The following BCAS3 variants were observed in gnomAD, a reference collection of about 807,000 sequenced individuals.
The protein encoded by BCAS3 is BCAS4/BCAS3 fusion.
Under a neutral mutation model 116.1 loss-of-function variants are expected in BCAS3, and 53 were observed. The ratio of observed to expected loss-of-function variants is 0.46; its 90% confidence interval spans 0.37 to 0.57. The LOEUF is 0.57. BCAS3 is among the 20% of genes least tolerant of loss of function. The probability of loss-of-function intolerance (pLI) is 0.00; values close to 1 mark genes in which losing one functional copy is unlikely to be tolerated. For missense variants in BCAS3, 917 were observed against 1,165.4 expected, an observed-to-expected ratio of 0.79 and a Z score of 3.10; for synonymous variants, 391 against 408.2, an observed-to-expected ratio of 0.96 and a Z score of 0.51.
chr17:60,704,953 A>G (rs1039472869), intron 4 of BCAS3, among the ~76,000 whole-genome samples: 1 of 152,114 alleles, frequency 6.6e-6, no homozygotes, highest in South Asian at 2.1e-4. Flanking sequence ...CGGTGTCTCT[A>G]TCTTGTTGTT....
chr17:61,008,311 G>A lies in BCAS3; in HGVS notation c.1487-7440G>A, dbSNP rs1216748892. Among the ~76,000 whole-genome samples the A allele has an allele frequency of 1.3e-5, 2 of 152,060 alleles. No individual in the cohort carries two copies. Among genetic ancestry groups the A allele is most frequent in the Admixed American group, 1.3e-4 (2 of 15,248 alleles). On this transcript the variant is annotated intron_variant, in intron 15 of 23. Transcript: ENST00000407086. The surrounding 1 kb of genome is among the most constrained non-coding windows in gnomAD (Gnocchi z 4.6). ...CATTCTCATCTAGGAAAGGGGAGAA[G>A]AGAGAGATGGAGAGAGAGACACACA...
chr17:61,232,493 G>A (rs1423770377), intron 22 of BCAS3, among the ~76,000 whole-genome samples: 3 of 152,076 alleles, frequency 2.0e-5, no homozygotes, highest in African/African-American at 7.2e-5. Flanking sequence ...GTCCCAGGTA[G>A]GAATATGTGT....
In BCAS3 at chr17:61,171,929, A is replaced by C. The variant is rs2078863578; in HGVS notation, c.2425+87365A>C. Among the ~76,000 whole-genome samples, 1 of 152,076 alleles carries C rather than the reference A, an allele frequency of 6.6e-6. No homozygotes were observed. The highest frequency in any genetic ancestry group is 2.4e-5 in the African/African-American group (1 of 41,400). ...ATTACCAGTGTGAGCCACCATACCC[A>C]GCAAACAGGAAGCTTTAAAAAGCAG... On this transcript the variant is annotated intron_variant, in intron 22 of 23. Transcript: ENST00000407086. This position sits in a 1 kb window ranked among gnomAD's most constrained non-coding sequence, Gnocchi z 4.1.
In BCAS3 at chr17:60,961,024, C is replaced by T. The variant is rs1210632341; in HGVS notation, c.1221+13672C>T. ...CAGCAGAATGTTGTCAAGCTATACT[C>T]CTGGCCTTCAGAGCACATTTTCCCA... is the stretch of plus-strand genomic sequence containing the variant. On this transcript the variant is annotated intron_variant, in intron 14 of 23. Transcript: ENST00000407086. The surrounding 1 kb of genome is among the most constrained non-coding windows in gnomAD (Gnocchi z 4.8). Among the ~76,000 whole-genome samples the T allele has an allele frequency of 2.6e-5, 4 of 151,982 alleles. No homozygotes were observed. Among genetic ancestry groups the T allele is most frequent in the Non-Finnish European group, 5.9e-5 (4 of 68,000 alleles).
chr17:60,687,374 C>T (rs187258211), intron 3 of BCAS3, among the ~76,000 whole-genome samples: 8 of 152,130 alleles, frequency 5.3e-5, no homozygotes, highest in Admixed American at 1.3e-4. Context: ...GAGGCCTAGG[C>T]GGGCAGATTG....
In BCAS3 at chr17:61,244,606, G is replaced by A. The variant is rs1469290657; in HGVS notation, c.2426-123721G>A. 6.6e-6 allele frequency among the ~76,000 whole-genome samples: 1 copy of A among 152,196 alleles called. No homozygotes were observed. The highest frequency in any genetic ancestry group is 2.4e-5 in the African/African-American group (1 of 41,454). ...AGGCCCGGCGCGGTGGCTCATGCCT[G>A]TAATCCCAGCACTTTGGGAGGCCAA... is the stretch of plus-strand genomic sequence containing the variant. On this transcript the variant is annotated intron_variant, in intron 22 of 23. Coordinates refer to ENST00000407086, the MANE Select transcript of BCAS3 (RefSeq NM_017679.5). The surrounding 1 kb of genome is among the most constrained non-coding windows in gnomAD (Gnocchi z 4.9).
At chr17:60,851,415 G>T in intron 7 of BCAS3, 1 of 414,936 alleles carries the variant, frequency 2.4e-6, no homozygotes, top group South Asian at 1.9e-5. Flanking sequence ...CACCGAAGGG[G>T]CCGCCAAGGA....
At chr17:60,922,539 C>T (rs1451542647) in intron 12 of BCAS3, among the ~76,000 whole-genome samples, 1 of 152,068 alleles carries the variant, frequency 6.6e-6, no homozygotes, top group Non-Finnish European at 1.5e-5. Flanking sequence ...ACGACTATTT[C>T]TCTATTAAAA....
In BCAS3 at chr17:61,367,593, G is replaced by A. The variant is rs2058810177; in HGVS notation, c.2426-734G>A. On this transcript the variant is annotated intron_variant, in intron 22 of 23. Transcript: ENST00000407086. This position sits in a 1 kb window ranked among gnomAD's most constrained non-coding sequence, Gnocchi z 6.2. Reference sequence around the variant, plus strand: ...ATGCCCTTGGGTAGCTGGGAGACCAGGTAGTGAAGTAGAACGTGTTCTCAA... The same window carrying A: ...ATGCCCTTGGGTAGCTGGGAGACCAAGTAGTGAAGTAGAACGTGTTCTCAA... 6.6e-6 allele frequency: 1 copy of A among 152,162 alleles called. No homozygotes were observed. The highest frequency in any genetic ancestry group is 6.5e-5 in the Admixed American group (1 of 15,274). The allele number at this position is 152,162 out of a possible 1,614,324, so 9.4% of individuals were successfully genotyped here.
intron 18 of BCAS3, among the ~76,000 whole-genome samples, chr17:61,039,152 T>C (rs2067301446): frequency 2.0e-5 from 3 of 152,204 alleles, no homozygotes; most frequent in Admixed American, 2.0e-4. Context: ...TTTCTTTCTC[T>C]ATGGATTTTG....
At chr17:61,057,642 G>C (rs1265626619) in intron 19 of BCAS3, among the ~76,000 whole-genome samples, 1 of 151,850 alleles carries the variant, frequency 6.6e-6, no homozygotes, top group Non-Finnish European at 1.5e-5. Context: ...CAAGCAGCTA[G>C]GACACCTGAA....
intron 6 of BCAS3, among the ~76,000 whole-genome samples, chr17:60,799,959 C>G (rs944974929): frequency 2.0e-5 from 3 of 151,880 alleles, no homozygotes; most frequent in Non-Finnish European, 4.4e-5. Flanking sequence ...ATTAGTATTT[C>G]CTGGTATGGA....
Position 61,162,887 on chromosome 17 carries a change from G to A in BCAS3, c.2425+78323G>A, listed in dbSNP as rs1328685427. ...TCAAGAGGACCAACATGACGTTAGAGCTTTTTACTTAATAAATTATATACA... is the reference window on the plus strand; with the variant it reads ...TCAAGAGGACCAACATGACGTTAGAACTTTTTACTTAATAAATTATATACA... On this transcript the variant is annotated intron_variant, in intron 22 of 23. Transcript: ENST00000407086. This position sits in a 1 kb window ranked among gnomAD's most constrained non-coding sequence, Gnocchi z 5.6. 2.0e-5 allele frequency among the ~76,000 whole-genome samples: 3 copies of A among 152,154 alleles called. No individual in the cohort carries two copies. The highest frequency in any genetic ancestry group is 4.4e-5 in the Non-Finnish European group (3 of 68,032).
chr17:61,291,396 C>G (rs17513977), intron 22 of BCAS3, among the ~76,000 whole-genome samples: 1 of 152,072 alleles, frequency 6.6e-6, no homozygotes, highest in Admixed American at 6.6e-5. Flanking sequence ...TTCTGTAGCT[C>G]CCGGATTATG....
intron 6 of BCAS3, 70 bp downstream of exon 6, chr17:60,747,349 C>A: frequency 7.9e-7 from 1 of 1,257,876 alleles, no homozygotes; most frequent in South Asian, 1.3e-5. Context: ...GGACTACAGG[C>A]AGCAAGAATG....
At chr17:61,147,011 C>A (rs746781014) in intron 22 of BCAS3, among the ~76,000 whole-genome samples, 1 of 151,718 alleles carries the variant, frequency 6.6e-6, no homozygotes, top group Non-Finnish European at 1.5e-5. Flanking sequence ...ACCTCCCAGG[C>A]TCAAGCAACC....
Position 61,139,804 on chromosome 17 carries a change from T to G in BCAS3, c.2425+55240T>G, listed in dbSNP as rs2076825462. On this transcript the variant is annotated intron_variant, in intron 22 of 23. Transcript: ENST00000407086. This position sits in a 1 kb window ranked among gnomAD's most constrained non-coding sequence, Gnocchi z 4.7. ...TAAGGCAGATGGAGTTCTCTCAGAA[T>G]GCAAAGAAAGGTAAAATTTGTTGTA... is the stretch of plus-strand genomic sequence containing the variant. Among the ~76,000 whole-genome samples, 1 of 152,144 alleles carries G rather than the reference T, an allele frequency of 6.6e-6. No homozygotes were observed. Among genetic ancestry groups the G allele is most frequent in the Non-Finnish European group, 1.5e-5 (1 of 68,028 alleles).
chr17:60,871,178 T>A (rs1366109778), intron 8 of BCAS3, among the ~76,000 whole-genome samples: 3 of 151,992 alleles, frequency 2.0e-5, no homozygotes, highest in Non-Finnish European at 4.4e-5. Context: ...TTTTTGGGAG[T>A]TGGGAGGACT....
rs1417338299 is a variant in BCAS3 at position 61,302,810 on chromosome 17, A to C, written c.2426-65517A>C. On this transcript the variant is annotated intron_variant, in intron 22 of 23. Coordinates refer to ENST00000407086, the MANE Select transcript of BCAS3 (RefSeq NM_017679.5). This position sits in a 1 kb window ranked among gnomAD's most constrained non-coding sequence, Gnocchi z 4.4. The stretch of plus-strand genomic sequence containing the variant: ...CTACAGTAGTTCAGACTTTGTAGAG[A>C]AAGGCAGTGAGACGGAACAGTTCTG... 6.6e-6 allele frequency among the ~76,000 whole-genome samples: 1 copy of C among 152,186 alleles called. No homozygotes were observed. Among genetic ancestry groups the C allele is most frequent in the Non-Finnish European group, 1.5e-5 (1 of 68,026 alleles).
Sources: gnomAD v4.1 joint callset for allele counts (sites outside exome capture counted in the v4.1 genomes callset) on GRCh38, gnomAD v4.1.1 for gene constraint, Gnocchi (gnomAD v3.1) non-coding constraint, MANE v1.5 for transcripts, NCBI Gene and HGNC (gene_info 2026-07-23, HGNC 2026-07-21) for gene names.